PARD3B: variants seen among roughly 807,000 people sequenced by gnomAD.
PARD3B encodes the protein partitioning defective 3 homolog B.
A neutral mutation model predicts 130.2 loss-of-function variants in PARD3B; 103 were observed. That is an observed-to-expected ratio of 0.79 (90% confidence interval 0.67 to 0.93). The LOEUF is 0.93. Among genes scored for constraint, PARD3B ranks in the 40% least tolerant of loss-of-function variants. The pLI, the probability that PARD3B is intolerant of heterozygous loss-of-function variation, is 0.00. For synonymous variants in PARD3B, 583 were observed against 553.2 expected (o/e 1.05, Z -0.76); for missense variants, 1,609 against 1,499.2 (o/e 1.07, Z -1.21).
intron 4 of PARD3B, among the ~76,000 whole-genome samples, chr2:205,083,199 G>A (rs1296754206): frequency 1.3e-5 from 2 of 152,016 alleles, no homozygotes; most frequent in East Asian, 1.9e-4. Context: ...GATTACAAGC[G>A]TGAGCTACTG....
intron 1 of PARD3B, among the ~76,000 whole-genome samples, chr2:204,564,601 C>G (rs2031555282): frequency 6.6e-6 from 1 of 152,048 alleles, no homozygotes; most frequent in African/African-American, 2.4e-5. Flanking sequence ...AGTTAAAATA[C>G]TTATTTTTAG....
chr2:205,183,827 C>T lies in PARD3B; in HGVS notation c.1925-1937C>T, dbSNP rs2035940164. ...ACATGGCCATGGAGACAGGCACATC[C>T]CAGGATCTGCAGGATGAGTCAGCAA... On this transcript the variant is annotated intron_variant, in intron 13 of 22. Transcript: ENST00000406610. This position sits in a 1 kb window ranked among gnomAD's most constrained non-coding sequence, Gnocchi z 5.2. 6.6e-6 allele frequency among the ~76,000 whole-genome samples: 1 copy of T among 150,808 alleles called. No homozygotes were observed. Among genetic ancestry groups the T allele is most frequent in the Non-Finnish European group, 1.5e-5 (1 of 67,824 alleles).
intron 10 of PARD3B, among the ~76,000 whole-genome samples, chr2:205,150,253 GCACACACGCTTGAAATC>G (rs2033663419): frequency 2.1e-5 from 2 of 93,866 alleles, no homozygotes; most frequent in African/African-American, 4.5e-5. Flanking sequence ...GTGTGTGTGT[GCACACACGCTTGAAATC>G]TGTGAGTGGA....
intron 3 of PARD3B, among the ~76,000 whole-genome samples, chr2:205,008,682 G>T (rs1431465980): frequency 6.6e-6 from 1 of 152,054 alleles, no homozygotes; most frequent in African/African-American, 2.4e-5. Context: ...ATAGAACAGG[G>T]CAAAAAGTCT....
rs2053173816 is a variant in PARD3B at position 205,562,519 on chromosome 2, A to G, written c.3260+9116A>G. Among the ~76,000 whole-genome samples the G allele has an allele frequency of 6.6e-6, 1 of 152,158 alleles. No individual in the cohort carries two copies. The highest frequency in any genetic ancestry group is 1.5e-5 in the Non-Finnish European group (1 of 68,032). ...TGCTCTTTCGAGAGTGCCAAATCTG[A>G]CATTACCTTGGACATGAAATCTATT... is the stretch of plus-strand genomic sequence containing the variant. On this transcript the variant is annotated intron_variant, in intron 22 of 22. Coordinates refer to ENST00000406610, the MANE Select transcript of PARD3B (RefSeq NM_001302769.2). This position sits in a 1 kb window ranked among gnomAD's most constrained non-coding sequence, Gnocchi z 5.4.
At chr2:204,573,553 A>G (rs1392646433) in intron 1 of PARD3B, among the ~76,000 whole-genome samples, 3 of 152,096 alleles carry the variant, frequency 2.0e-5, no homozygotes, top group Non-Finnish European at 4.4e-5. Context: ...GTGTCCATAC[A>G]ACTTCCCTGC....
intron 18 of PARD3B, among the ~76,000 whole-genome samples, chr2:205,378,342 G>A (rs561926454): frequency 1.3e-5 from 2 of 152,278 alleles, no homozygotes; most frequent in African/African-American, 4.8e-5. Flanking sequence ...AAAGGGATTC[G>A]AGGCCATTGG....
At chr2:205,012,083 G>A (rs960589500) in intron 3 of PARD3B, among the ~76,000 whole-genome samples, 3 of 152,192 alleles carry the variant, frequency 2.0e-5, no homozygotes, top group South Asian at 2.1e-4. Context: ...CTGCAACTTG[G>A]TTGGCCTCCC....
chr2:204,857,929 C>T (rs914615504), intron 2 of PARD3B, among the ~76,000 whole-genome samples: 15 of 152,160 alleles, frequency 9.9e-5, no homozygotes, highest in Non-Finnish European at 1.9e-4. Context: ...CAAACATATC[C>T]TTCTACAGAT....
rs746467578 is a variant in PARD3B, at chr2:204,680,160, T to G, written c.121-6021T>G. On this transcript the variant is annotated intron_variant, in intron 1 of 22. Transcript: ENST00000406610. ...ATTGGCATTATTTGTTCCTTAAATA[T>G]TAGGAAGATTTTACCTGTGATGTCA... 2.0e-5 allele frequency among the ~76,000 whole-genome samples: 3 copies of G among 152,172 alleles called. No homozygotes were observed. In the Middle Eastern group the frequency reaches 0.01, roughly 518 times the overall value.
intron 3 of PARD3B, among the ~76,000 whole-genome samples, chr2:205,035,510 G>T (rs1697756144): frequency 1.3e-5 from 2 of 151,856 alleles, no homozygotes; most frequent in Admixed American, 1.3e-4. Flanking sequence ...CTCTGGCTTT[G>T]TGCATTTCAA....
Position 205,412,360 on chromosome 2 carries a change from C to T in PARD3B, c.2741+11237C>T, listed in dbSNP as rs561489550. 2.6e-5 allele frequency among the ~76,000 whole-genome samples: 4 copies of T among 152,220 alleles called. No individual in the cohort carries two copies. In the South Asian group the frequency reaches 6.2e-4, roughly 24 times the overall value. On this transcript the variant is annotated intron_variant, in intron 19 of 22. Coordinates refer to ENST00000406610, the MANE Select transcript of PARD3B (RefSeq NM_001302769.2). Reference sequence around the variant, plus strand: ...TCTCCAAGAGGTCGTGGAAAAGCCCCCTCAACCATATTAAACAACAGTAAC... The same window carrying T: ...TCTCCAAGAGGTCGTGGAAAAGCCCTCTCAACCATATTAAACAACAGTAAC...
chr2:205,583,993 C>T (rs1019353708), intron 22 of PARD3B, among the ~76,000 whole-genome samples: 2 of 152,188 alleles, frequency 1.3e-5, no homozygotes, highest in Non-Finnish European at 2.9e-5. Flanking sequence ...CCATGTTACC[C>T]ATGATAACTC....
intron 15 of PARD3B, among the ~76,000 whole-genome samples, chr2:205,235,092 A>G (rs2039004566): frequency 6.6e-6 from 1 of 152,160 alleles, no homozygotes; most frequent in Non-Finnish European, 1.5e-5. Flanking sequence ...AGGAAGAAAG[A>G]TTTCAAATAA....
At chr2:205,150,252 T>TGTGCGC (rs375301293) in intron 10 of PARD3B, among the ~76,000 whole-genome samples, 21,794 of 145,466 alleles carry the variant, frequency 0.15, 1,909 homozygotes, top group South Asian at 0.2. Flanking sequence ...TGTGTGTGTG[T>TGTGCGC]GCACACACGC....
At chr2:205,223,027 T>G (rs2038326087) in intron 15 of PARD3B, among the ~76,000 whole-genome samples, 2 of 152,104 alleles carry the variant, frequency 1.3e-5, no homozygotes, top group Non-Finnish European at 2.9e-5. Context: ...AATGCTAAAG[T>G]GTTCTGAGGC....
intron 2 of PARD3B, among the ~76,000 whole-genome samples, chr2:204,947,364 C>T (rs1457552241): frequency 2.6e-5 from 4 of 152,052 alleles, no homozygotes; most frequent in African/African-American, 9.7e-5. Context: ...GTGAAAAGAA[C>T]TCTACATATT....
At chr2:205,521,794 G>T (rs572952802) in intron 21 of PARD3B, among the ~76,000 whole-genome samples, 3 of 151,864 alleles carry the variant, frequency 2.0e-5, no homozygotes, top group Non-Finnish European at 4.4e-5. Flanking sequence ...TATACAGAAG[G>T]GTTACATTAC....
At chr2:205,466,203 G>A (rs528440926) in intron 20 of PARD3B, among the ~76,000 whole-genome samples, 6 of 152,256 alleles carry the variant, frequency 3.9e-5, no homozygotes, top group Admixed American at 3.3e-4. Context: ...AGGCAGTGCT[G>A]AATTGTTATT....
Sources: gnomAD v4.1 joint callset for allele counts (sites outside exome capture counted in the v4.1 genomes callset) on GRCh38, gnomAD v4.1.1 for gene constraint, Gnocchi (gnomAD v3.1) non-coding constraint, MANE v1.5 for transcripts, NCBI Gene and HGNC (gene_info 2026-07-23, HGNC 2026-07-21) for gene names.